PLXNA4: variants seen among roughly 807,000 people sequenced by gnomAD.
The protein encoded by PLXNA4 is plexin-A4.
Under a neutral mutation model 191.8 loss-of-function variants are expected in PLXNA4, and 44 were observed. The observed-to-expected ratio is 0.23, with a 90% confidence interval of 0.18 to 0.29. The LOEUF is 0.29. Among genes scored for constraint, PLXNA4 ranks in the 10% least tolerant of loss-of-function variants. The pLI is 1.00. For synonymous variants in PLXNA4, 1,082 were observed against 1,009.5 expected (o/e 1.07, Z -1.36); for missense variants, 1,800 against 2,488.8 (o/e 0.72, Z 5.89).
intron 4 of PLXNA4, among the ~76,000 whole-genome samples, chr7:132,256,845 T>G (rs531761919): frequency 6.6e-6 from 1 of 152,236 alleles, no homozygotes; most frequent in South Asian, 2.1e-4. Context: ...CCCTGGAATC[T>G]GAGTGATACG....
At chr7:132,456,754 C>A (rs1475657525) in intron 3 of PLXNA4, among the ~76,000 whole-genome samples, 1 of 152,122 alleles carries the variant, frequency 6.6e-6, no homozygotes, top group Non-Finnish European at 1.5e-5. Context: ...ATCAGAAAGG[C>A]TGAGGGCAGG....
chr7:132,613,360 C>G (rs149237526), intron 2 of PLXNA4, among the ~76,000 whole-genome samples: 4 of 152,308 alleles, frequency 2.6e-5, no homozygotes, highest in East Asian at 3.9e-4. Context: ...CACCCTCCCC[C>G]CCGACATCTC....
chr7:132,495,227 C>T (rs757958093), intron 2 of PLXNA4, among the ~76,000 whole-genome samples: 1 of 152,218 alleles, frequency 6.6e-6, no homozygotes, highest in Non-Finnish European at 1.5e-5. Flanking sequence ...CTTGCCCCAC[C>T]TTTGCAGAAA....
At chr7:132,213,583 G>A (rs986224263) in intron 9 of PLXNA4, among the ~76,000 whole-genome samples, 1 of 152,184 alleles carries the variant, frequency 6.6e-6, no homozygotes, top group Non-Finnish European at 1.5e-5. Flanking sequence ...CGCTACTCTA[G>A]CAAGGTGGGA....
chr7:132,589,630 C>T lies in PLXNA4; in HGVS notation c.-87+56298G>A, dbSNP rs575529553. Among the ~76,000 whole-genome samples, 6 of 152,244 alleles carry T rather than the reference C, an allele frequency of 3.9e-5. 1 individual carries two copies. The South Asian group carries it at 1.2e-3, about 32-fold the overall frequency. On this transcript the variant is annotated intron_variant, in intron 2 of 4. Coordinates refer to the PLXNA4 transcript ENST00000378539. Reference sequence around the variant, plus strand: ...TTTATTCATTTTTTATAAAAATACACTGTGAGCTCCTAGTTTATACCAAGT... The same window carrying T: ...TTTATTCATTTTTTATAAAAATACATTGTGAGCTCCTAGTTTATACCAAGT...
chr7:132,140,627 T>C lies in PLXNA4; in HGVS notation c.5410A>G (p.Ile1804Val). 6.2e-7 allele frequency: 1 copy of C among 1,614,056 alleles called. No homozygotes were observed. The highest frequency in any genetic ancestry group is 8.5e-7 in the Non-Finnish European group (1 of 1,180,022). Reference protein sequence around the residue: ...PSNKLLYAKDIPSYKNWVERY... With the variant: ...PSNKLLYAKDVPSYKNWVERY... ...TCCACCCAATTCTTGTAGCTGGGGATGTCCTTGGCATACAGCAGCTTGTTG... is the reference window on the plus strand; with the variant it reads ...TCCACCCAATTCTTGTAGCTGGGGACGTCCTTGGCATACAGCAGCTTGTTG... Residue 1804 changes from isoleucine (I) to valine (V), a missense_variant, in exon 30 of 32, where the codon ATC becomes GTC. Physicochemically the swap from Ile to Val is conservative, Grantham distance 29. Coordinates refer to ENST00000321063, the MANE Select transcript of PLXNA4 (RefSeq NM_020911.2).
chr7:132,387,864 C>G (rs527670111), intron 3 of PLXNA4, among the ~76,000 whole-genome samples: 60 of 152,180 alleles, frequency 3.9e-4, no homozygotes, highest in African/African-American at 1.4e-3. Context: ...CAGCCGGAAC[C>G]ATGTTCCTAA....
At chr7:132,203,584 G>A (rs1175784631) in intron 10 of PLXNA4, among the ~76,000 whole-genome samples, 165 bp from the exon 11 acceptor site, 1 of 152,224 alleles carries the variant, frequency 6.6e-6, no homozygotes, top group Non-Finnish European at 1.5e-5. Context: ...GTATGCACAT[G>A]CACATGTGTG....
At chr7:132,566,086 G>A (rs549215786) in intron 1 of PLXNA4, among the ~76,000 whole-genome samples, 1 of 152,194 alleles carries the variant, frequency 6.6e-6, no homozygotes, top group Admixed American at 6.5e-5. Flanking sequence ...CCAGTGCAAT[G>A]CTTTATGAAT....
At chr7:132,577,613 A>G (rs1300778909), upstream of PLXNA4, among the ~76,000 whole-genome samples, 3 of 151,512 alleles carry the variant, frequency 2.0e-5, no homozygotes, top group Admixed American at 6.6e-5. Flanking sequence ...GTTTGCCGAC[A>G]CCCCCCTGGG....
upstream of PLXNA4, chr7:132,576,575 C>T (rs969913487): frequency 1.9e-5 from 19 of 985,928 alleles, no homozygotes; most frequent in East Asian, 1.1e-4. The surrounding 1 kb of genome is among the most constrained non-coding windows in gnomAD (Gnocchi z 5.8). Flanking sequence ...AATACTCCAC[C>T]GAGGCACAGG....
At position 132,557,456 on chromosome 7, in the gene PLXNA4, G is replaced by C. The variant is rs150077583; in HGVS notation, c.-87+18966C>G. Among the ~76,000 whole-genome samples, 204 of 149,438 alleles carry C rather than the reference G, an allele frequency of 1.4e-3. 1 individual carries two copies. In the East Asian group the frequency reaches 0.023, roughly 17 times the overall value. On this transcript the variant is annotated intron_variant, in intron 1 of 31. Coordinates refer to ENST00000321063, the MANE Select transcript of PLXNA4 (RefSeq NM_020911.2). ...CAGAAGATGGAGGAAATGGCGGCAG[G>C]GGGGGACGTAAAGATAGGCAATCAA...
At chr7:132,278,514 A>G (rs1800359720) in intron 4 of PLXNA4, among the ~76,000 whole-genome samples, 1 of 152,224 alleles carries the variant, frequency 6.6e-6, no homozygotes, top group Non-Finnish European at 1.5e-5. Context: ...CAGCCCATGC[A>G]TGGCCACAAA....
intron 3 of PLXNA4, among the ~76,000 whole-genome samples, chr7:132,393,628 C>T (rs1301392237): frequency 1.3e-5 from 2 of 152,180 alleles, no homozygotes; most frequent in Non-Finnish European, 2.9e-5. Context: ...CAGAGTGCAG[C>T]AAGACATAGT....
chr7:132,473,621 A>T (rs1797009908), intron 3 of PLXNA4, among the ~76,000 whole-genome samples: 1 of 152,202 alleles, frequency 6.6e-6, no homozygotes, highest in Non-Finnish European at 1.5e-5. Context: ...TTCGTATCAC[A>T]CTGCTAATGG....
At chr7:132,152,711 C>A (rs1276781380) in intron 25 of PLXNA4, among the ~76,000 whole-genome samples, 1 of 152,228 alleles carries the variant, frequency 6.6e-6, no homozygotes, top group Admixed American at 6.5e-5. Flanking sequence ...CATTTTTTGC[C>A]TGCCTGTGGG....
Position 132,276,441 on chromosome 7 carries a change from C to T in PLXNA4, c.1503+21650G>A, listed in dbSNP as rs528562593. Among the ~76,000 whole-genome samples the T allele has an allele frequency of 6.6e-5, 10 of 152,074 alleles. No individual in the cohort carries two copies. In the South Asian group the frequency reaches 1.0e-3, roughly 16 times the overall value. On this transcript the variant is annotated intron_variant, in intron 4 of 31. Transcript: ENST00000321063. ...CTACTCCCACCCTTTTCTGCAATGA[C>T]CCCCCCTTTCCCACCCTTTCCCTTG...
At chr7:132,341,490 G>A (rs550160344) in intron 3 of PLXNA4, among the ~76,000 whole-genome samples, 2 of 152,278 alleles carry the variant, frequency 1.3e-5, no homozygotes, top group African/African-American at 4.8e-5. Context: ...TGGCATTAAA[G>A]CCCTTCCCAG....
intron 3 of PLXNA4, among the ~76,000 whole-genome samples, chr7:132,418,101 T>C (rs2117126638): frequency 6.6e-6 from 1 of 152,356 alleles, no homozygotes; most frequent in South Asian, 2.1e-4. Context: ...AGCTCTTTGC[T>C]GAGTCCTTCT....
Sources: gnomAD v4.1 joint callset for allele counts (sites outside exome capture counted in the v4.1 genomes callset) on GRCh38, gnomAD v4.1.1 for gene constraint, Gnocchi (gnomAD v3.1) non-coding constraint, MANE v1.5 for transcripts, NCBI Gene and HGNC (gene_info 2026-07-23, HGNC 2026-07-21) for gene names.